Variants in ABLIM2 observed in about 807,000 individuals in gnomAD.
ABLIM2 encodes actin binding LIM protein family member 2.
A neutral mutation model predicts 97.7 loss-of-function variants in ABLIM2; 53 were observed. The observed-to-expected ratio is 0.54, with a 90% CI of 0.44 to 0.68. The LOEUF is 0.68. ABLIM2 is among the 30% of genes least tolerant of loss of function. The pLI is 0.00. For synonymous variants in ABLIM2, 361 were observed against 345.8 expected (o/e 1.04, Z -0.49); for missense variants, 835 against 867.2 (o/e 0.96, Z 0.47).
At chr4:8,034,527 GTGGTAGGTAGGTGGGTGCAGGTGGGTGGT>G (rs1783036844) in intron 10 of ABLIM2, among the ~76,000 whole-genome samples, 1 of 44,060 alleles carries the variant, frequency 2.3e-5, no homozygotes, top group Non-Finnish European at 4.3e-5. Context: ...AGGTGGGTGG[GTGGTAGGTAGGTGGGTGCAGGTGGGTGGT>G]GGGTGGTAGG....
chr4:8,000,135 T>C (rs1054380307), intron 16 of ABLIM2, among the ~76,000 whole-genome samples: 3 of 151,992 alleles, frequency 2.0e-5, no homozygotes, highest in African/African-American at 7.3e-5. Flanking sequence ...AGTCTTGGTG[T>C]CTCCATCTGA....
At position 8,125,977 on chromosome 4, in the gene ABLIM2, C is replaced by T. The variant is rs565404082; in HGVS notation, c.11-19340G>A. ...AACACCCTGGGAGGGGGAAGCCACACAGCCAACCCGCTTTTTCTGGGGGCC... is the reference window on the plus strand; with the variant it reads ...AACACCCTGGGAGGGGGAAGCCACATAGCCAACCCGCTTTTTCTGGGGGCC... On this transcript the variant is annotated intron_variant, in intron 1 of 20. Coordinates refer to ENST00000447017, the MANE Select transcript of ABLIM2 (RefSeq NM_001130083.2). The surrounding 1 kb of genome is among the most constrained non-coding windows in gnomAD (Gnocchi z 6.2). Among the ~76,000 whole-genome samples the T allele has an allele frequency of 8.2e-4, 125 of 152,308 alleles. No homozygotes were observed. Among genetic ancestry groups the T allele is most frequent in the African/African-American group, 2.8e-3 (116 of 41,570 alleles).
chr4:7,989,367 C>A (rs892670585), intron 17 of ABLIM2: 28 of 982,338 alleles, frequency 2.9e-5, no homozygotes, highest in Non-Finnish European at 2.9e-5. Flanking sequence ...GCCTGAACCA[C>A]TTTGCCTGGC....
chr4:8,118,360 G>A (rs977453808), intron 1 of ABLIM2, among the ~76,000 whole-genome samples: 2 of 152,194 alleles, frequency 1.3e-5, no homozygotes, highest in Non-Finnish European at 2.9e-5. Flanking sequence ...ATCCCACAGG[G>A]TTGTAGGGAG....
chr4:7,991,230 T>C (rs574291118), intron 17 of ABLIM2, among the ~76,000 whole-genome samples: 2 of 152,312 alleles, frequency 1.3e-5, no homozygotes, highest in South Asian at 2.1e-4. Flanking sequence ...AGGCATCAAT[T>C]TGCATCATTT....
At position 8,112,516 on chromosome 4, in the gene ABLIM2, C is replaced by T. The variant is rs536156415; in HGVS notation, c.11-5879G>A. 3.9e-5 allele frequency among the ~76,000 whole-genome samples: 6 copies of T among 152,156 alleles called. No homozygotes were observed. The highest frequency in any genetic ancestry group is 1.4e-4 in the African/African-American group (6 of 41,496). ...AGGCTCAGAGACCAGACTTGCAGGC[C>T]GCAGGATGGAGGGGTCAGATCAGGG... On this transcript the variant is annotated intron_variant, in intron 1 of 20. Transcript: ENST00000447017. This position sits in a 1 kb window ranked among gnomAD's most constrained non-coding sequence, Gnocchi z 4.2.
rs1772186597 is a variant in ABLIM2 at position 8,019,745 on chromosome 4, G to A, written c.1370-74C>T. The A allele has an allele frequency of 2.1e-6, 3 of 1,435,836 alleles. No homozygotes were observed. Among genetic ancestry groups the A allele is most frequent in the South Asian group, 1.2e-5 (1 of 84,958 alleles). 88.9% of individuals were successfully genotyped at this position (1,435,836 alleles called of 1,614,324 possible). On this transcript the variant is annotated intron_variant, in intron 13 of 20. Transcript: ENST00000447017. The surrounding 1 kb of genome is among the most constrained non-coding windows in gnomAD (Gnocchi z 4.3). ...AAGTTGTGATGGTTTCTGTTCTACA[G>A]CTTTTTGTAAGCAACAAGCACTCAC...
intron 8 of ABLIM2, among the ~76,000 whole-genome samples, chr4:8,051,902 C>T (rs1262353101): frequency 6.6e-6 from 1 of 152,212 alleles, no homozygotes; most frequent in Non-Finnish European, 1.5e-5. Context: ...AACCAATCGC[C>T]TAAGCCCTAT....
rs1161473737 is a variant in ABLIM2 at position 8,127,714 on chromosome 4, G to A, written c.11-21077C>T. On this transcript the variant is annotated intron_variant, in intron 1 of 20. Coordinates refer to ENST00000447017, the MANE Select transcript of ABLIM2 (RefSeq NM_001130083.2). The surrounding 1 kb of genome is among the most constrained non-coding windows in gnomAD (Gnocchi z 7.3). ...AGGGCTCCCACAAGGTCACGTGGCA[G>A]CTGCCACCCTCTGCCCGGGGAGGGG... is the stretch of plus-strand genomic sequence containing the variant. 1.6e-6 allele frequency: 2 copies of A among 1,232,552 alleles called. No homozygotes were observed. The highest frequency in any genetic ancestry group is 2.1e-6 in the Non-Finnish European group (2 of 956,242). 76.4% of individuals were successfully genotyped at this position (1,232,552 alleles called of 1,614,324 possible).
chr4:8,143,452 C>T (rs1018201194), intron 1 of ABLIM2, among the ~76,000 whole-genome samples: 3 of 152,088 alleles, frequency 2.0e-5, no homozygotes, highest in Non-Finnish European at 1.5e-5. Flanking sequence ...GGCCTAAGGT[C>T]AGGGCACGGA....
intron 6 of ABLIM2, among the ~76,000 whole-genome samples, chr4:8,066,076 C>T (rs1488763258): frequency 6.0e-5 from 9 of 149,082 alleles, no homozygotes; most frequent in East Asian, 2.0e-4. Flanking sequence ...CTGAGGCGGG[C>T]GGATCATGAG....
rs904294430 is a variant in ABLIM2, at chr4:8,130,363, C to T, written c.11-23726G>A. Among the ~76,000 whole-genome samples, 11 of 152,298 alleles carry T rather than the reference C, an allele frequency of 7.2e-5. No individual in the cohort carries two copies. The East Asian group carries it at 2.1e-3, about 29-fold the overall frequency. On this transcript the variant is annotated intron_variant, in intron 1 of 20. Coordinates refer to ENST00000447017, the MANE Select transcript of ABLIM2 (RefSeq NM_001130083.2). This position sits in a 1 kb window ranked among gnomAD's most constrained non-coding sequence, Gnocchi z 4.2. ...ATTCTCTGTAATGTTCAGGAGAGGG[C>T]CATGTGGAGAGGTTGGCCTTCTGAG...
intron 20 of ABLIM2, among the ~76,000 whole-genome samples, 162 bp downstream of exon 20, chr4:7,983,102 T>C (rs1424968370): frequency 6.6e-6 from 1 of 152,166 alleles, no homozygotes; most frequent in African/African-American, 2.4e-5. Context: ...ACCACATCGT[T>C]TGGCCTTTGA....
chr4:8,031,577 G>A (rs189379095), intron 10 of ABLIM2, among the ~76,000 whole-genome samples: 2 of 152,158 alleles, frequency 1.3e-5, no homozygotes, highest in Non-Finnish European at 2.9e-5. Context: ...GCTCTGAGCC[G>A]ACCGCTGGGC....
chr4:8,090,940 G>A (rs1038360451), intron 3 of ABLIM2, among the ~76,000 whole-genome samples: 4 of 152,006 alleles, frequency 2.6e-5, no homozygotes, highest in African/African-American at 9.7e-5. Context: ...TGTTAAGCAC[G>A]GTTGCCAACC....
At position 8,158,497 on chromosome 4, in the gene ABLIM2, G is replaced by A. The variant is rs192798368; in HGVS notation, c.10+183C>T. Among the ~76,000 whole-genome samples, 868 of 152,246 alleles carry A rather than the reference G, an allele frequency of 5.7e-3. 28 individuals carry two copies. The highest frequency in any genetic ancestry group is 0.05 in the Admixed American group (771 of 15,312). ...CCCGCGCCACTGAGCTACGCGCTCC[G>A]GGCGCAGGGCAGAGGGCTGCGCTCT... is the stretch of plus-strand genomic sequence containing the variant. On this transcript the variant is annotated intron_variant, in intron 1 of 20. Transcript: ENST00000447017.
chr4:7,966,420 C>G lies in ABLIM2; in HGVS notation c.*570G>C, dbSNP rs566696005. On this transcript the variant is annotated 3_prime_UTR_variant, in exon 21 of 21. Transcript: ENST00000447017. The stretch of plus-strand genomic sequence containing the variant: ...CTGGCGGAAGGTGCCCTGTCTTGTC[C>G]CTTGTTGACATTTGTCCCTAAAGAG... 1 of 153,046 alleles carries G rather than the reference C, an allele frequency of 6.5e-6. No homozygotes were observed. Among genetic ancestry groups the G allele is most frequent in the East Asian group, 1.9e-4 (1 of 5,182 alleles). 9.5% of individuals were successfully genotyped at this position (153,046 alleles called of 1,614,324 possible).
chr4:8,126,972 G>A (rs1848252659), intron 1 of ABLIM2, among the ~76,000 whole-genome samples: 1 of 151,810 alleles, frequency 6.6e-6, no homozygotes. Context: ...AGGCTGAGCT[G>A]TGAGGATTAC....
chr4:8,115,503 T>C (rs529063583), intron 1 of ABLIM2, among the ~76,000 whole-genome samples: 15 of 152,250 alleles, frequency 9.9e-5, no homozygotes, highest in Middle Eastern at 3.4e-3. Flanking sequence ...AGGATGAACC[T>C]ATGCATCTCA....
Sources: gnomAD v4.1 joint callset for allele counts (sites outside exome capture counted in the v4.1 genomes callset) on GRCh38, gnomAD v4.1.1 for gene constraint, Gnocchi (gnomAD v3.1) non-coding constraint, MANE v1.5 for transcripts, NCBI Gene and HGNC (gene_info 2026-07-23, HGNC 2026-07-21) for gene names.